SCYL2: variants seen among roughly 807,000 people sequenced by gnomAD.
The protein encoded by SCYL2 is SCY1 like pseudokinase 2.
Under a neutral mutation model 100.4 loss-of-function variants are expected in SCYL2, and 36 were observed. That is an observed-to-expected ratio of 0.36 (90% CI 0.27 to 0.47). SCYL2 has a LOEUF of 0.47. Among genes scored for constraint, SCYL2 ranks in the 20% least tolerant of loss-of-function variants. The probability of loss-of-function intolerance (pLI) is 1.00; values close to 1 mark genes in which losing one functional copy is unlikely to be tolerated. For missense variants in SCYL2, 902 were observed against 1,083.9 expected (o/e 0.83, Z 2.36); for synonymous variants, 330 against 359.2 (o/e 0.92, Z 0.92).
chr12:100,312,239 G>C (rs746069564), intron 5 of SCYL2, among the ~76,000 whole-genome samples, 193 bp from the exon 6 acceptor site: 1 of 152,108 alleles, frequency 6.6e-6, no homozygotes, highest in Non-Finnish European at 1.5e-5. Context: ...AGTAATCTCA[G>C]TTGTAACGGT....
At chr12:100,280,523 A>G (rs912300070) in intron 1 of SCYL2, among the ~76,000 whole-genome samples, 1 of 152,214 alleles carries the variant, frequency 6.6e-6, no homozygotes, top group Non-Finnish European at 1.5e-5. Context: ...GTTTGAAGAA[A>G]GCTTCCTTTA....
chr12:100,309,588 A>G (rs990943314), intron 4 of SCYL2, among the ~76,000 whole-genome samples: 1 of 152,238 alleles, frequency 6.6e-6, no homozygotes, highest in African/African-American at 2.4e-5. Flanking sequence ...ATAATATTCC[A>G]TTATATGTAT....
Position 100,312,449 on chromosome 12 carries a change from A to G in SCYL2, c.648A>G (p.Lys216=), listed in dbSNP as rs1452667188. ...PSEQEPKFPC[K]EWDPNLPSLC... Reference sequence around the variant, plus strand: ...TACTACAGCCTAAATTTCCTTGTAAAGAATGGGACCCAAATTTACCTTCAT... The same window carrying G: ...TACTACAGCCTAAATTTCCTTGTAAGGAATGGGACCCAAATTTACCTTCAT... The change falls in exon 6 of 18, where the codon AAA becomes AAG. Residue 216 remains lysine, a synonymous_variant. Transcript: ENST00000360820. The G allele has an allele frequency of 6.2e-7, 1 of 1,612,228 alleles. No homozygotes were observed. The highest frequency in any genetic ancestry group is 8.5e-7 in the Non-Finnish European group (1 of 1,179,650).
chr12:100,319,425 A>G (rs1164592757), intron 10 of SCYL2: 3 of 310,938 alleles, frequency 9.6e-6, no homozygotes, highest in African/African-American at 4.4e-5. Flanking sequence ...AGATTAAGTG[A>G]CATGAAATCC....
At chr12:100,278,041 T>A (rs1488603153) in intron 1 of SCYL2, among the ~76,000 whole-genome samples, 2 of 152,194 alleles carry the variant, frequency 1.3e-5, no homozygotes, top group Non-Finnish European at 2.9e-5. Context: ...CTTGTTACAG[T>A]TTCTTCTGCA....
intron 10 of SCYL2, chr12:100,319,275 T>C (rs750205308): frequency 2.2e-6 from 1 of 455,998 alleles, no homozygotes; most frequent in Non-Finnish European, 4.4e-6. Context: ...ATGACATGGA[T>C]GAGTGGGGAA....
intron 11 of SCYL2, among the ~76,000 whole-genome samples, chr12:100,325,584 G>A (rs563692307): frequency 6.6e-5 from 10 of 152,186 alleles, no homozygotes; most frequent in East Asian, 1.9e-4. Flanking sequence ...TTCCTGAGTC[G>A]TGAGTTAGTA....
intron 3 of SCYL2, among the ~76,000 whole-genome samples, chr12:100,292,508 T>C (rs534280962): frequency 6.6e-6 from 1 of 152,334 alleles, no homozygotes; most frequent in African/African-American, 2.4e-5. Context: ...TCTTTTATTA[T>C]ATATTGAGTT....
At chr12:100,321,471 C>T (rs2096355674) in intron 10 of SCYL2, among the ~76,000 whole-genome samples, 1 of 152,166 alleles carries the variant, frequency 6.6e-6, no homozygotes, top group Non-Finnish European at 1.5e-5. Flanking sequence ...ATTTAGTTCC[C>T]TAGCCCCCAG....
chr12:100,322,182 C>G (rs1477172594), intron 10 of SCYL2, among the ~76,000 whole-genome samples: 1 of 150,802 alleles, frequency 6.6e-6, no homozygotes, highest in Non-Finnish European at 1.5e-5. Context: ...ACCATCCTGG[C>G]TAACACAGTG....
chr12:100,335,109 A>G (rs976082670), intron 14 of SCYL2, among the ~76,000 whole-genome samples: 6 of 152,090 alleles, frequency 3.9e-5, no homozygotes, highest in African/African-American at 1.2e-4. Context: ...AAAAATCTGG[A>G]GAAATAATTT....
rs1952158291 is a variant in SCYL2 at position 100,328,105 on chromosome 12, C to G, written c.1643-1096C>G. ...CCAGCCTGAGCAACATGGCAAAACC[C>G]CATCTCTACTAGAAATACAATAATT... is the stretch of plus-strand genomic sequence containing the variant. On this transcript the variant is annotated intron_variant, in intron 12 of 17. Coordinates refer to ENST00000360820, the MANE Select transcript of SCYL2 (RefSeq NM_017988.6). 1.3e-5 allele frequency among the ~76,000 whole-genome samples: 2 copies of G among 152,008 alleles called. 1 individual carries two copies. Among genetic ancestry groups the G allele is most frequent in the African/African-American group, 4.8e-5 (2 of 41,386 alleles).
intron 13 of SCYL2, among the ~76,000 whole-genome samples, chr12:100,330,190 T>C (rs754388680): frequency 6.6e-6 from 1 of 152,150 alleles, no homozygotes; most frequent in Non-Finnish European, 1.5e-5. Context: ...TTGGCAGATA[T>C]ATATAATACA....
chr12:100,315,636 A>G lies in SCYL2; in HGVS notation c.1174A>G (p.Asn392Asp). ...TGACATGGTACCTTTTGTTTTGCCC[A>G]ATGTTCTACTTATTGCTGAGGAATG... is the stretch of plus-strand genomic sequence containing the variant. ...NPDMVPFVLP[N>D]VLLIAEECTK... The change falls in exon 9 of 18, where the codon AAT (asparagine) becomes GAT (aspartate). Residue 392 changes from asparagine to aspartate, a missense_variant. By Grantham distance (23) the Asn-to-Asp change is conservative (BLOSUM62 1). Coordinates refer to ENST00000360820, the MANE Select transcript of SCYL2 (RefSeq NM_017988.6). The G allele has an allele frequency of 6.2e-7, 1 of 1,612,384 alleles. No individual in the cohort carries two copies. Among genetic ancestry groups the G allele is most frequent in the African/African-American group, 1.3e-5 (1 of 74,996 alleles).
intron 14 of SCYL2, among the ~76,000 whole-genome samples, chr12:100,334,815 A>G (rs1328718939): frequency 6.6e-6 from 1 of 152,084 alleles, no homozygotes; most frequent in East Asian, 1.9e-4. Context: ...AATCTAGTTT[A>G]TTAAAATCGA....
At chr12:100,302,467 G>GC (rs2096329017) in intron 4 of SCYL2, among the ~76,000 whole-genome samples, 1 of 152,110 alleles carries the variant, frequency 6.6e-6, no homozygotes, top group South Asian at 2.1e-4. Context: ...ACAAAATCTC[G>GC]CAACTTTTGC....
chr12:100,282,744 G>A (rs529936200), intron 1 of SCYL2, among the ~76,000 whole-genome samples, 199 bp from the exon 2 acceptor site: 1 of 152,262 alleles, frequency 6.6e-6, no homozygotes, highest in Admixed American at 6.5e-5. Flanking sequence ...AGGTTGAAAC[G>A]AGCAGTTTGA....
In SCYL2 at chr12:100,323,626, AT is replaced by A. The variant is rs780859984; in HGVS notation, c.1498del (p.Ser500LeufsTer7). On this transcript the variant is annotated frameshift_variant, in exon 11 of 18. Transcript: ENST00000360820. LOFTEE classifies it high-confidence loss of function. ...GAATTAAAAATGCTTGTCTACAAAC[AT>A]CTTCCCTTGCGGTAAGTAATTGCAT... Reference protein sequence around the residue: ...PRIKNACLQTSSLAVRVNSLV... With the variant: ...PRIKNACLQTXSLAVRVNSLV... 2 of 1,577,996 alleles carry A rather than the reference AT, an allele frequency of 1.3e-6. No homozygotes were observed. Among genetic ancestry groups the A allele is most frequent in the Non-Finnish European group, 1.7e-6 (2 of 1,153,934 alleles).
Position 100,315,558 on chromosome 12 carries a change from C to T in SCYL2, c.1096C>T (p.Arg366Cys), listed in dbSNP as rs1356451853. Residue 366 changes from arginine to cysteine, a missense_variant and splice_region_variant, in exon 9 of 18, where the codon CGT becomes TGT. Physicochemically the swap from Arg to Cys is radical, Grantham distance 180. Transcript: ENST00000360820. ...TTTAAAAAACATTTTTGCCTTTCAGCGTGTCATTGTGCAGAGAATTTTGCC... is the reference window on the plus strand; with the variant it reads ...TTTAAAAAACATTTTTGCCTTTCAGTGTGTCATTGTGCAGAGAATTTTGCC... ...LPKVLPKLPK[R>C]VIVQRILPCL... 7 of 1,569,576 alleles carry T rather than the reference C, an allele frequency of 4.5e-6. No individual in the cohort carries two copies. Among genetic ancestry groups the T allele is most frequent in the South Asian group, 1.2e-5 (1 of 80,314 alleles).
Sources: gnomAD v4.1 joint callset for allele counts (sites outside exome capture counted in the v4.1 genomes callset) on GRCh38, gnomAD v4.1.1 for gene constraint, MANE v1.5 for transcripts, NCBI Gene and HGNC (gene_info 2026-07-23, HGNC 2026-07-21) for gene names.